The following CDC42BPA variants were observed in gnomAD, a reference collection of about 807,000 sequenced individuals.
CDC42BPA encodes CDC42 binding protein kinase alpha.
In CDC42BPA, 80 loss-of-function variants were observed where a neutral mutation model predicts 223.5. The ratio of observed to expected loss-of-function variants is 0.36; its 90% confidence interval spans 0.30 to 0.43. The LOEUF is 0.43. CDC42BPA is among the 20% of genes least tolerant of loss of function. CDC42BPA has a pLI of 1.00. For synonymous variants in CDC42BPA, 694 were observed against 718.6 expected (o/e 0.97, Z 0.55); for missense variants, 1,743 against 2,099.9 (o/e 0.83, Z 3.32).
chr1:227,088,453 CAT>C (rs1357826370), intron 16 of CDC42BPA, among the ~76,000 whole-genome samples: 1 of 152,078 alleles, frequency 6.6e-6, no homozygotes, highest in Non-Finnish European at 1.5e-5. Flanking sequence ...GGATTGTATA[CAT>C]GATTGCAATT....
chr1:227,115,872 G>GAAA (rs201721780), intron 12 of CDC42BPA, among the ~76,000 whole-genome samples: 7,284 of 144,612 alleles, frequency 0.05, 216 homozygotes, highest in Non-Finnish European at 0.074. Flanking sequence ...AAGAAAAGAG[G>GAAA]AAAAAAAAAA....
chr1:227,145,609 T>C lies in CDC42BPA; in HGVS notation c.1023A>G (p.Pro341=), dbSNP rs1660574792. Residue 341 remains proline (P), a synonymous_variant, in exon 8 of 37, where the codon CCA becomes CCG. Transcript: ENST00000366766. ...TATCCCAATCAATTCCACTGAAAAA[T>C]GGGTGTTTCTTAAAGTCTTCTATTC... The part of the protein sequence containing the change: ...QNGIEDFKKH[P]FFSGIDWDNI... 1.2e-6 allele frequency: 2 copies of C among 1,613,824 alleles called. No individual in the cohort carries two copies. Among genetic ancestry groups the C allele is most frequent in the African/African-American group, 2.7e-5 (2 of 75,008 alleles).
intron 5 of CDC42BPA, among the ~76,000 whole-genome samples, chr1:227,175,445 A>G (rs1207461145): frequency 6.6e-6 from 1 of 151,688 alleles, no homozygotes; most frequent in Non-Finnish European, 1.5e-5. Context: ...ATATATATAT[A>G]TATAAATAAA....
intron 32 of CDC42BPA, among the ~76,000 whole-genome samples, chr1:227,022,630 C>A (rs974297766): frequency 6.6e-6 from 1 of 152,136 alleles, no homozygotes. Flanking sequence ...TGTTTGGACA[C>A]CCTGACAGGC....
chr1:227,116,454 T>C (rs534455955), intron 12 of CDC42BPA, among the ~76,000 whole-genome samples: 19 of 152,312 alleles, frequency 1.2e-4, no homozygotes, highest in African/African-American at 4.3e-4. Flanking sequence ...CAGCAAACAT[T>C]ATTAGCGATG....
At chr1:227,069,524 G>A (rs773360960) in intron 21 of CDC42BPA, 237 of 288,456 alleles carry the variant, frequency 8.2e-4, no homozygotes, top group Non-Finnish European at 1.3e-3. Flanking sequence ...TCTTAAGGGA[G>A]ATGAAATTGC....
At position 227,004,929 on chromosome 1, in the gene CDC42BPA, C is replaced by T. The variant is rs762747265; in HGVS notation, c.4975+65G>A. Reference sequence around the variant, plus strand: ...AGTGAAGGACATGTCACCCACGGGACAGGAGGGGAGGGAGCTGGGGGTCAC... The same window carrying T: ...AGTGAAGGACATGTCACCCACGGGATAGGAGGGGAGGGAGCTGGGGGTCAC... On this transcript the variant is annotated intron_variant, in intron 35 of 36. Coordinates refer to ENST00000366766, the MANE Select transcript of CDC42BPA (RefSeq NM_001394014.1). 4 of 1,053,434 alleles carry T rather than the reference C, an allele frequency of 3.8e-6. No homozygotes were observed. The African/African-American group carries it at 6.2e-5, about 16-fold the overall frequency. 65.3% of individuals were successfully genotyped at this position (1,053,434 alleles called of 1,614,324 possible).
intron 32 of CDC42BPA, 88 bp from the exon 33 acceptor site, chr1:227,017,138 T>C (rs900612179): frequency 4.1e-5 from 49 of 1,207,624 alleles, no homozygotes; most frequent in Admixed American, 1.9e-4. Context: ...AGTACAAACA[T>C]TGATAGTACA....
intron 2 of CDC42BPA, among the ~76,000 whole-genome samples, chr1:227,244,460 A>G (rs192147621): frequency 6.7e-5 from 10 of 150,362 alleles, no homozygotes; most frequent in Admixed American, 2.0e-4. Flanking sequence ...GATAGAAGTC[A>G]GAATAGTTAA....
At chr1:227,285,615 C>G (rs561187413) in intron 1 of CDC42BPA, among the ~76,000 whole-genome samples, 1 of 152,270 alleles carries the variant, frequency 6.6e-6, no homozygotes, top group African/African-American at 2.4e-5. Context: ...ACAGGTTATT[C>G]CATACAAATT....
rs1022230076 is a variant in CDC42BPA at position 226,994,700 on chromosome 1, T to A, written c.5133+123A>T. 5.8e-6 allele frequency: 6 copies of A among 1,039,114 alleles called. No homozygotes were observed. In the Admixed American group the frequency reaches 9.5e-5, roughly 16 times the overall value. 64.4% of individuals were successfully genotyped at this position (1,039,114 alleles called of 1,614,324 possible). On this transcript the variant is annotated intron_variant, in intron 36 of 36. Coordinates refer to ENST00000366766, the MANE Select transcript of CDC42BPA (RefSeq NM_001394014.1). The surrounding 1 kb of genome is among the most constrained non-coding windows in gnomAD (Gnocchi z 4.0). ...GGCCTAGCTGCCCGCTGGCCAAGAGTGAATGCTGGCCCCTGACCCCGAACC... is the reference window on the plus strand; with the variant it reads ...GGCCTAGCTGCCCGCTGGCCAAGAGAGAATGCTGGCCCCTGACCCCGAACC...
intron 16 of CDC42BPA, among the ~76,000 whole-genome samples, chr1:227,082,592 G>A (rs1038439906): frequency 1.3e-5 from 2 of 151,848 alleles, no homozygotes; most frequent in African/African-American, 4.8e-5. Flanking sequence ...GCATGTGCCT[G>A]TAGTCCCAGC....
At chr1:227,069,104 C>T (rs1343750595) in intron 21 of CDC42BPA, 1 of 153,548 alleles carries the variant, frequency 6.5e-6, no homozygotes, top group Non-Finnish European at 1.4e-5. Context: ...CTATTTTGGT[C>T]ACTACTATAT....
chr1:227,226,197 C>G (rs1558810240), intron 2 of CDC42BPA, among the ~76,000 whole-genome samples: 1 of 152,196 alleles, frequency 6.6e-6, no homozygotes, highest in Non-Finnish European at 1.5e-5. Context: ...GTTTGTAAGG[C>G]TGGCTGGAAA....
chr1:227,101,156 CT>C lies in CDC42BPA; in HGVS notation c.2084del (p.Lys695ArgfsTer21), dbSNP rs869225809. The C allele has an allele frequency of 6.3e-7, 1 of 1,588,116 alleles. No individual in the cohort carries two copies. Among genetic ancestry groups the C allele is most frequent in the African/African-American group, 1.3e-5 (1 of 74,242 alleles). On this transcript the variant is annotated frameshift_variant, in exon 15 of 37. Coordinates refer to ENST00000366766, the MANE Select transcript of CDC42BPA (RefSeq NM_001394014.1). LOFTEE classifies it high-confidence loss of function. ...EITKLKTDLEKKSIFYEEELS... is the reference protein window; with the variant it reads ...EITKLKTDLEXKSIFYEEELS... ...ATTCTTCTTCATAAAAGATACTTTTCTTTTCCAAATCAGTCTTTAGTTTGGT... is the reference window on the plus strand; with the variant it reads ...ATTCTTCTTCATAAAAGATACTTTTCTTTCCAAATCAGTCTTTAGTTTGGT...
At chr1:227,022,461 A>AAT (rs1667556730) in intron 32 of CDC42BPA, among the ~76,000 whole-genome samples, 1 of 152,206 alleles carries the variant, frequency 6.6e-6, no homozygotes, top group African/African-American at 2.4e-5. Context: ...TAAAATACAT[A>AAT]ATGTACTGTA....
intron 2 of CDC42BPA, among the ~76,000 whole-genome samples, chr1:227,246,170 C>A (rs1203984793): frequency 6.6e-6 from 1 of 152,198 alleles, no homozygotes; most frequent in African/African-American, 2.4e-5. Context: ...CCTGGCAGAA[C>A]TGCTCATGGA....
chr1:227,253,247 C>CGG (rs1558875754), intron 2 of CDC42BPA, among the ~76,000 whole-genome samples: 2 of 138,326 alleles, frequency 1.4e-5, no homozygotes, highest in African/African-American at 5.5e-5. Context: ...AGAAAGAGAG[C>CGG]GAGAGAGAGA....
chr1:227,132,264 CG>C (rs1250150837), intron 10 of CDC42BPA, among the ~76,000 whole-genome samples: 2 of 152,142 alleles, frequency 1.3e-5, no homozygotes, highest in Non-Finnish European at 2.9e-5. Context: ...CTCAGCCTGC[CG>C]AGTGCCTCAG....
Sources: gnomAD v4.1 joint callset for allele counts (sites outside exome capture counted in the v4.1 genomes callset) on GRCh38, gnomAD v4.1.1 for gene constraint, Gnocchi (gnomAD v3.1) non-coding constraint, MANE v1.5 for transcripts, NCBI Gene and HGNC (gene_info 2026-07-23, HGNC 2026-07-21) for gene names.